Variants in SLC24A3 observed in about 807,000 individuals in gnomAD.
The protein encoded by SLC24A3 is solute carrier family 24 member 3, also known as sodium/potassium/calcium exchanger 3.
In SLC24A3, 28 loss-of-function variants were observed where a neutral mutation model predicts 75.8. That is an observed-to-expected ratio of 0.37 (90% CI 0.27 to 0.51). The LOEUF (loss-of-function observed/expected upper bound fraction) is 0.51. SLC24A3 is among the 20% of genes least tolerant of loss of function. The pLI is 0.94. For synonymous variants in SLC24A3, 372 were observed against 334.1 expected, an observed-to-expected ratio of 1.11 and a Z score of -1.24; for missense variants, 663 against 847.8, an observed-to-expected ratio of 0.78 and a Z score of 2.71.
chr20:19,627,176 G>T (rs1300914473), intron 6 of SLC24A3, among the ~76,000 whole-genome samples: 1 of 152,190 alleles, frequency 6.6e-6, no homozygotes, highest in African/African-American at 2.4e-5. Flanking sequence ...ATCCATTTGG[G>T]ACCCATTCTA....
intron 1 of SLC24A3, 146 bp from the exon 2 acceptor site, chr20:19,280,813 A>G: frequency 9.0e-7 from 1 of 1,107,870 alleles, no homozygotes; most frequent in Non-Finnish European, 1.3e-6. Flanking sequence ...GCGGCAAGGA[A>G]GCCTTCAGGC....
chr20:19,409,905 G>T (rs1986714478), intron 2 of SLC24A3, among the ~76,000 whole-genome samples: 1 of 151,688 alleles, frequency 6.6e-6, no homozygotes, highest in South Asian at 2.1e-4. Flanking sequence ...GGTCCAAAAT[G>T]TTATTAGTGG....
intron 3 of SLC24A3, among the ~76,000 whole-genome samples, chr20:19,542,054 A>AG (rs368838625): frequency 2.2e-4 from 33 of 152,304 alleles, no homozygotes; most frequent in African/African-American, 7.9e-4. Context: ...AATCAAATGA[A>AG]GGGGGGACCT....
intron 6 of SLC24A3, among the ~76,000 whole-genome samples, chr20:19,598,566 A>C (rs531784836): frequency 6.6e-6 from 1 of 152,162 alleles, no homozygotes; most frequent in East Asian, 1.9e-4. Flanking sequence ...AGAATAAAGC[A>C]CACTGGCCTC....
intron 6 of SLC24A3, among the ~76,000 whole-genome samples, chr20:19,628,217 AAAAAAG>A (rs2031890309): frequency 1.3e-5 from 2 of 150,782 alleles, no homozygotes; most frequent in Non-Finnish European, 3.0e-5. Context: ...AAAAAAAAAA[AAAAAAG>A]AAAAAGAAAA....
At chr20:19,213,629 G>A (rs995875065) in intron 1 of SLC24A3, among the ~76,000 whole-genome samples, 4 of 152,258 alleles carry the variant, frequency 2.6e-5, no homozygotes, top group African/African-American at 9.6e-5. Context: ...CAGAGCTGCT[G>A]CTGTGGAAGA....
intron 2 of SLC24A3, among the ~76,000 whole-genome samples, chr20:19,414,728 G>C (rs975454646): frequency 6.6e-6 from 1 of 152,054 alleles, no homozygotes; most frequent in Non-Finnish European, 1.5e-5. Context: ...AAATAGAAGA[G>C]AGAATAGCAT....
In SLC24A3 at chr20:19,417,658, T is replaced by A. The variant is rs144668631; in HGVS notation, c.272-97830T>A. 7.9e-5 allele frequency among the ~76,000 whole-genome samples: 12 copies of A among 152,296 alleles called. No individual in the cohort carries two copies. The East Asian group carries it at 2.3e-3, about 29-fold the overall frequency. On this transcript the variant is annotated intron_variant, in intron 2 of 16. Coordinates refer to ENST00000328041, the MANE Select transcript of SLC24A3 (RefSeq NM_020689.4). ...GAATAAGTTGTTTATTAGGAACAAT[T>A]ACGTAAACTTCTAGATATGCTCTCT...
chr20:19,602,597 A>G (rs1394865754), intron 6 of SLC24A3, among the ~76,000 whole-genome samples: 1 of 152,228 alleles, frequency 6.6e-6, no homozygotes, highest in Non-Finnish European at 1.5e-5. Flanking sequence ...AATCCAAGCC[A>G]TAACACACTG....
chr20:19,634,661 G>C (rs79648821), intron 6 of SLC24A3, among the ~76,000 whole-genome samples: 2,458 of 152,194 alleles, frequency 0.016, 67 homozygotes, highest in African/African-American at 0.056. Flanking sequence ...TATACAGTAT[G>C]ATTCCACTTA....
chr20:19,387,590 C>T (rs1428244427), intron 2 of SLC24A3, among the ~76,000 whole-genome samples: 1 of 152,116 alleles, frequency 6.6e-6, no homozygotes, highest in African/African-American at 2.4e-5. Context: ...ATTGGTTGTT[C>T]AGAAGTGTGC....
At chr20:19,505,369 A>G (rs1988447101) in intron 2 of SLC24A3, among the ~76,000 whole-genome samples, 1 of 152,220 alleles carries the variant, frequency 6.6e-6, no homozygotes, top group Non-Finnish European at 1.5e-5. Flanking sequence ...TTAGGGGAAA[A>G]TTCATCCAAA....
At chr20:19,553,062 CTT>C (rs1326537311) in intron 3 of SLC24A3, among the ~76,000 whole-genome samples, 6 of 100,246 alleles carry the variant, frequency 6.0e-5, no homozygotes, top group Non-Finnish European at 6.7e-5. Flanking sequence ...TCCTTCCCTC[CTT>C]CCTTCCCTCC....
intron 1 of SLC24A3, among the ~76,000 whole-genome samples, chr20:19,262,359 C>T (rs1600398760): frequency 7.0e-6 from 1 of 142,614 alleles, no homozygotes; most frequent in East Asian, 2.1e-4. Flanking sequence ...GAGCCGAGAT[C>T]GCGCCACTGC....
intron 3 of SLC24A3, among the ~76,000 whole-genome samples, chr20:19,527,263 T>C (rs1221809666): frequency 6.6e-6 from 1 of 152,220 alleles, no homozygotes; most frequent in African/African-American, 2.4e-5. Context: ...CTTCCCAGAA[T>C]GATGTTGGAG....
intron 2 of SLC24A3, among the ~76,000 whole-genome samples, chr20:19,351,214 G>A (rs1234952275): frequency 6.6e-6 from 1 of 152,166 alleles, no homozygotes; most frequent in Non-Finnish European, 1.5e-5. Flanking sequence ...GCAGTCTGAA[G>A]TTCTCATTTT....
chr20:19,250,256 A>G (rs1326795041), intron 1 of SLC24A3, among the ~76,000 whole-genome samples: 6 of 152,230 alleles, frequency 3.9e-5, no homozygotes, highest in African/African-American at 1.2e-4. Context: ...ACAAGGTTTT[A>G]AAGTTACCTC....
chr20:19,710,064 C>G (rs1410362086), intron 15 of SLC24A3, among the ~76,000 whole-genome samples: 1 of 152,186 alleles, frequency 6.6e-6, no homozygotes, highest in Non-Finnish European at 1.5e-5. Context: ...TGGGAACATC[C>G]ATTTGGAAAC....
intron 3 of SLC24A3, among the ~76,000 whole-genome samples, chr20:19,531,026 C>T (rs117284935): frequency 4.1e-3 from 625 of 152,300 alleles, no homozygotes; most frequent in Non-Finnish European, 7.2e-3. Context: ...AAGGGCAAGA[C>T]GCTAGCCAGT....
Sources: allele counts gnomAD v4.1 joint callset (sites outside exome capture counted in the v4.1 genomes callset), GRCh38; gene constraint gnomAD v4.1.1; transcripts MANE v1.5; gene names NCBI Gene and HGNC (gene_info 2026-07-23, HGNC 2026-07-21).